The following DENND2B variants were observed in gnomAD, a reference collection of about 807,000 sequenced individuals.
DENND2B encodes the protein DENN domain-containing protein 2B.
DENND2B carries 32 observed loss-of-function variants against 116.0 expected under a neutral mutation model. The ratio of observed to expected loss-of-function variants is 0.28; its 90% CI spans 0.21 to 0.37. The LOEUF is 0.37. DENND2B is among the 10% of genes least tolerant of loss of function. The pLI, the probability that DENND2B is intolerant of heterozygous loss-of-function variation, is 1.00. For synonymous variants in DENND2B, 588 were observed against 583.9 expected (o/e 1.01, Z -0.10); for missense variants, 1,276 against 1,477.7 (o/e 0.86, Z 2.24).
At chr11:8,698,085 G>A in intron 16 of DENND2B, 1 of 259,284 alleles carries the variant, frequency 3.9e-6, no homozygotes. Context: ...AGGCTGCAGT[G>A]TCATGACTGT....
intron 2 of DENND2B, among the ~76,000 whole-genome samples, chr11:8,742,454 G>A (rs988901335): frequency 6.6e-6 from 1 of 152,174 alleles, no homozygotes. Context: ...GCATAAAGGA[G>A]AGTAAGGAAA....
intron 4 of DENND2B, among the ~76,000 whole-genome samples, chr11:8,821,818 G>T (rs2061778285): frequency 1.3e-5 from 2 of 152,080 alleles, no homozygotes; most frequent in African/African-American, 4.8e-5. Flanking sequence ...TTGAAACAAG[G>T]TCTGGCTCTA....
intron 1 of DENND2B, among the ~76,000 whole-genome samples, chr11:8,804,361 A>G (rs1049906257): frequency 3.0e-5 from 4 of 132,350 alleles, no homozygotes; most frequent in African/African-American, 1.0e-4. Context: ...TGCAGCAGCC[A>G]TAAGACATGG....
In DENND2B at chr11:8,837,112, A is replaced by G. The variant is rs1594180452; in HGVS notation, c.-115+2198T>C. Among the ~76,000 whole-genome samples the G allele has an allele frequency of 4.6e-5, 7 of 152,334 alleles. No homozygotes were observed. The South Asian group carries it at 1.4e-3, about 32-fold the overall frequency. On this transcript the variant is annotated intron_variant, in intron 4 of 6. Transcript: ENST00000524757. ...TTTGTCCAACTCATTCTGTACTGGA[A>G]GAAGCCAATGCAAATCTTTAACTGG... is the stretch of plus-strand genomic sequence containing the variant.
At chr11:8,853,317 C>A (rs1052173805) in intron 3 of DENND2B, among the ~76,000 whole-genome samples, 2 of 152,106 alleles carry the variant, frequency 1.3e-5, no homozygotes, top group African/African-American at 4.8e-5. Context: ...GAGCTGAGAT[C>A]GCACCATTGC....
At chr11:8,906,237 G>A (rs537972639) in intron 1 of DENND2B, among the ~76,000 whole-genome samples, 12 of 121,006 alleles carry the variant, frequency 9.9e-5, no homozygotes, top group African/African-American at 1.6e-4. Flanking sequence ...ATGGAGTCTC[G>A]CTCTGTCACC....
At chr11:8,811,076 G>A (rs935029583), upstream of DENND2B, 4 of 387,810 alleles carry the variant, frequency 1.0e-5, no homozygotes, top group Admixed American at 4.5e-5. Context: ...GAGGGAGCTA[G>A]CTGAAGCGCT....
intron 4 of DENND2B, among the ~76,000 whole-genome samples, chr11:8,827,582 G>C (rs1056104852): frequency 1.3e-5 from 2 of 152,210 alleles, no homozygotes; most frequent in African/African-American, 2.4e-5. Context: ...CTCTCTCTGC[G>C]TGCTCCCAAG....
At chr11:8,796,588 A>G (rs903575478) in intron 1 of DENND2B, among the ~76,000 whole-genome samples, 1 of 152,228 alleles carries the variant, frequency 6.6e-6, no homozygotes, top group African/African-American at 2.4e-5. Context: ...TCAATTTCCA[A>G]GAAGTGAAAT....
chr11:8,876,762 C>A (rs1045360730), intron 2 of DENND2B, among the ~76,000 whole-genome samples: 3 of 151,902 alleles, frequency 2.0e-5, no homozygotes, highest in African/African-American at 7.3e-5. Context: ...CCTGTAATCC[C>A]AGCTACTTGG....
intron 1 of DENND2B, among the ~76,000 whole-genome samples, chr11:8,908,710 C>G (rs1219909260): frequency 6.6e-6 from 1 of 152,216 alleles, no homozygotes; most frequent in East Asian, 1.9e-4. Flanking sequence ...CCCAGCTGAA[C>G]ATAGTCTCCT....
Position 8,712,767 on chromosome 11 carries a change from C to T in DENND2B, c.1988-32G>A. 1 of 1,583,938 alleles carries T rather than the reference C, an allele frequency of 6.3e-7. No homozygotes were observed. Among genetic ancestry groups the T allele is most frequent in the Non-Finnish European group, 8.6e-7 (1 of 1,165,900 alleles). On this transcript the variant is annotated intron_variant, in intron 8 of 19. Transcript: ENST00000313726. This position sits in a 1 kb window ranked among gnomAD's most constrained non-coding sequence, Gnocchi z 4.4. ...GCAGGTTGCACATCAGGGAATGGAC[C>T]CTCACAGGCCTCATGTTAACTCCTC...
At chr11:8,764,638 A>T (rs1455991229) in intron 1 of DENND2B, among the ~76,000 whole-genome samples, 1 of 152,124 alleles carries the variant, frequency 6.6e-6, no homozygotes, top group East Asian at 1.9e-4. Context: ...CCTCCATCCC[A>T]AGTACACCCC....
At chr11:8,892,244 G>C (rs1372228676) in intron 1 of DENND2B, among the ~76,000 whole-genome samples, 7 of 152,170 alleles carry the variant, frequency 4.6e-5, no homozygotes, top group Non-Finnish European at 7.3e-5. Flanking sequence ...TTAAAGCAGT[G>C]TGCAGAGGGA....
chr11:8,757,567 A>T (rs1329703396), intron 1 of DENND2B, among the ~76,000 whole-genome samples: 1 of 152,256 alleles, frequency 6.6e-6, no homozygotes, highest in Non-Finnish European at 1.5e-5. Context: ...AAGGAAAAGC[A>T]AAGGAGCATT....
At chr11:8,748,394 G>A (rs1043319976) in intron 2 of DENND2B, among the ~76,000 whole-genome samples, 1 of 152,228 alleles carries the variant, frequency 6.6e-6, no homozygotes, top group African/African-American at 2.4e-5. Context: ...GCACCCAGGA[G>A]AACCCTCTGA....
intron 2 of DENND2B, among the ~76,000 whole-genome samples, chr11:8,737,712 T>A (rs1360571077): frequency 1.3e-5 from 2 of 151,698 alleles, no homozygotes; most frequent in Non-Finnish European, 2.9e-5. Context: ...CCCTCCCTCC[T>A]TTCTTTTCTT....
At chr11:8,717,971 G>A in intron 4 of DENND2B, 79 bp from the exon 5 acceptor site, 1 of 1,519,522 alleles carries the variant, frequency 6.6e-7, no homozygotes, top group Non-Finnish European at 9.0e-7. Context: ...AAATAAACAA[G>A]CAGAATTCCT....
At chr11:8,720,719 T>A (rs1215649477) in intron 4 of DENND2B, among the ~76,000 whole-genome samples, 1 of 152,102 alleles carries the variant, frequency 6.6e-6, no homozygotes, top group Non-Finnish European at 1.5e-5. Context: ...CTCCCAGTCA[T>A]CTCTCCAGGT....
Sources: allele counts gnomAD v4.1 joint callset (sites outside exome capture counted in the v4.1 genomes callset), GRCh38; gene constraint gnomAD v4.1.1; non-coding constraint Gnocchi (gnomAD v3.1); transcripts MANE v1.5; gene names NCBI Gene and HGNC (gene_info 2026-07-23, HGNC 2026-07-21).